Variants in CERT1 observed in about 807,000 individuals in gnomAD.
The protein encoded by CERT1 is ceramide transfer protein.
A neutral mutation model predicts 87.9 loss-of-function variants in CERT1; 31 were observed. That is an observed-to-expected ratio of 0.35 (90% confidence interval 0.27 to 0.48). CERT1 has a LOEUF of 0.48. CERT1 is among the 20% of genes least tolerant of loss of function. The pLI is 0.99. For missense variants in CERT1, 487 were observed against 758.0 expected, an observed-to-expected ratio of 0.64 and a Z score of 4.20; for synonymous variants, 289 against 250.9, an observed-to-expected ratio of 1.15 and a Z score of -1.44.
chr5:75,461,707 G>C (rs773123968), intron 2 of CERT1, among the ~76,000 whole-genome samples: 3 of 151,854 alleles, frequency 2.0e-5, no homozygotes, highest in Non-Finnish European at 4.4e-5. Flanking sequence ...AGACAAGGGA[G>C]CCATTTCTAC....
chr5:75,511,822 G>T, upstream of CERT1: 1 of 1,551,362 alleles, frequency 6.4e-7, no homozygotes, highest in Non-Finnish European at 8.7e-7. Flanking sequence ...AGAGGGCGGG[G>T]TAGGGATGCA....
intron 2 of CERT1, among the ~76,000 whole-genome samples, chr5:75,484,467 A>T (rs1766411128): frequency 6.7e-6 from 1 of 150,208 alleles, no homozygotes; most frequent in Non-Finnish European, 1.5e-5. Context: ...TGGATTAAAA[A>T]AAAAAAAAGC....
At chr5:75,497,707 A>G (rs1170357793) in intron 2 of CERT1, among the ~76,000 whole-genome samples, 2 of 152,126 alleles carry the variant, frequency 1.3e-5, no homozygotes, top group East Asian at 3.9e-4. Context: ...AGCCAAGCAG[A>G]ACTGTGAGTC....
At chr5:75,418,849 T>C (rs1475442935) in intron 6 of CERT1, among the ~76,000 whole-genome samples, 1 of 152,172 alleles carries the variant, frequency 6.6e-6, no homozygotes, top group Non-Finnish European at 1.5e-5. Flanking sequence ...ACAAAGGGGA[T>C]GGAGAAAACT....
intron 8 of CERT1, among the ~76,000 whole-genome samples, chr5:75,406,000 T>C (rs1762693907): frequency 6.6e-6 from 1 of 152,082 alleles, no homozygotes; most frequent in African/African-American, 2.4e-5. Context: ...TCAACTCTCA[T>C]CTATATTATA....
At position 75,504,148 on chromosome 5, in the gene CERT1, G is replaced by A. The variant is rs1767544325; in HGVS notation, c.231+1834C>T. On this transcript the variant is annotated intron_variant, in intron 2 of 16. Coordinates refer to ENST00000643780, the MANE Select transcript of CERT1 (RefSeq NM_001379029.1). ...ATCCAATAATAATACGCAAAAGAAGGGGAGTGGAGGATCAAGGAAAAACAC... is the reference window on the plus strand; with the variant it reads ...ATCCAATAATAATACGCAAAAGAAGAGGAGTGGAGGATCAAGGAAAAACAC... 2.6e-5 allele frequency among the ~76,000 whole-genome samples: 4 copies of A among 152,026 alleles called. No individual in the cohort carries two copies. In the South Asian group the frequency reaches 8.3e-4, roughly 32 times the overall value.
chr5:75,436,223 CAG>C (rs1434394083), intron 3 of CERT1, among the ~76,000 whole-genome samples: 4 of 152,064 alleles, frequency 2.6e-5, no homozygotes, highest in African/African-American at 9.6e-5. Context: ...TTAGTAGAGA[CAG>C]AGTTTCACCG....
intron 11 of CERT1, among the ~76,000 whole-genome samples, chr5:75,390,660 A>G (rs946652644): frequency 2.0e-5 from 3 of 152,220 alleles, no homozygotes; most frequent in African/African-American, 7.2e-5. Context: ...ACATTAGAAG[A>G]CAGAAGAGCT....
rs988238905 is a variant in CERT1 at position 75,511,264 on chromosome 5, A to C, written c.-57T>G. On this transcript the variant is annotated 5_prime_UTR_variant, in exon 1 of 17. Transcript: ENST00000643780. ...CCCGCTCCCTCAGCTGCGCCGGAGG[A>C]GGCGCCCAGTCCTCGGGGTGAAGGG... 6.9e-6 allele frequency: 11 copies of C among 1,596,270 alleles called. No individual in the cohort carries two copies. In the Admixed American group the frequency reaches 1.2e-4, roughly 18 times the overall value.
chr5:75,410,335 C>T (rs552698418), intron 8 of CERT1, among the ~76,000 whole-genome samples: 153 of 152,064 alleles, frequency 1.0e-3, no homozygotes, highest in African/African-American at 3.6e-3. Flanking sequence ...GTAGGCCGGG[C>T]GGGGTGGCTC....
intron 17 of CERT1, chr5:75,369,780 G>A (rs970480545): frequency 6.6e-6 from 1 of 152,192 alleles, no homozygotes; most frequent in African/African-American, 2.4e-5. Flanking sequence ...ATTTGTTCTA[G>A]TACTAACCTC....
intron 6 of CERT1, among the ~76,000 whole-genome samples, chr5:75,417,868 A>G (rs530324147): frequency 3.9e-5 from 6 of 152,346 alleles, no homozygotes; most frequent in South Asian, 2.1e-4. Context: ...CATTAATAAT[A>G]AACACTGGCT....
intron 3 of CERT1, among the ~76,000 whole-genome samples, chr5:75,434,274 C>A (rs943097988): frequency 7.2e-6 from 1 of 138,888 alleles, no homozygotes; most frequent in African/African-American, 2.7e-5. Flanking sequence ...TTTTTCATTT[C>A]TAGTTCTGTT....
Position 75,506,046 on chromosome 5 carries a change from T to G in CERT1, c.167A>C (p.Lys56Thr). 1 of 1,613,702 alleles carries G rather than the reference T, an allele frequency of 6.2e-7. No homozygotes were observed. The highest frequency in any genetic ancestry group is 1.7e-5 in the Admixed American group (1 of 60,028). Residue 56 changes from lysine to threonine, a missense_variant, in exon 2 of 17, where the codon AAA (lysine) becomes ACA (threonine). By Grantham distance (78) the Lys-to-Thr change is moderately conservative. Coordinates refer to ENST00000643780, the MANE Select transcript of CERT1 (RefSeq NM_001379029.1). ...VLKNNALSYY[K>T]SEDETEYGCR... ...GCCATACTCTGTTTCATCTTCAGAT[T>G]TGTAGTAACTCAGAGCATTATTTTT...
chr5:75,411,648 A>G (rs1396021008), intron 7 of CERT1, among the ~76,000 whole-genome samples: 1 of 152,238 alleles, frequency 6.6e-6, no homozygotes, highest in African/African-American at 2.4e-5. Context: ...AAATCACCTT[A>G]AAAGTAGGTT....
intron 2 of CERT1, among the ~76,000 whole-genome samples, chr5:75,493,484 T>C (rs1174226689): frequency 6.6e-6 from 1 of 152,234 alleles, no homozygotes; most frequent in Non-Finnish European, 1.5e-5. Context: ...TTCAGAAGAA[T>C]GTAGGCATCA....
chr5:75,391,718 T>G (rs548028486), intron 11 of CERT1, among the ~76,000 whole-genome samples: 1 of 152,336 alleles, frequency 6.6e-6, no homozygotes, highest in Non-Finnish European at 1.5e-5. Context: ...AAAAGTAGCA[T>G]TGGCTTGATT....
intron 1 of CERT1, among the ~76,000 whole-genome samples, chr5:75,510,393 T>C (rs889973334): frequency 1.3e-5 from 2 of 152,158 alleles, no homozygotes; most frequent in African/African-American, 2.4e-5. Flanking sequence ...TTAAAAAATA[T>C]ATAAAAGATA....
chr5:75,422,558 A>C (rs1763429189), intron 5 of CERT1, among the ~76,000 whole-genome samples: 2 of 152,192 alleles, frequency 1.3e-5, no homozygotes, highest in South Asian at 4.1e-4. Flanking sequence ...CGGAGGTTGC[A>C]GTGAGCCAAG....
Sources: allele counts gnomAD v4.1 joint callset (sites outside exome capture counted in the v4.1 genomes callset), GRCh38; gene constraint gnomAD v4.1.1; transcripts MANE v1.5; gene names NCBI Gene and HGNC (gene_info 2026-07-23, HGNC 2026-07-21).